Variants in KCNQ1OT1 observed in about 807,000 individuals in gnomAD.
KCNQ1OT1 encodes KCNQ1 opposite strand/antisense transcript 1.
rs1849178009 is a variant in KCNQ1OT1 at position 2,621,857 on chromosome 11, G to GT, written n.78137dup. ...GTTTTACTGACTTTTTTCCCCTATG[G>GT]TTTTTCTTTCTAACTTGTCTCTGTT... On this transcript the variant is annotated non_coding_transcript_exon_variant, in exon 1 of 1. Transcript: ENST00000597346. This position sits in a 1 kb window ranked among gnomAD's most constrained non-coding sequence, Gnocchi z 5.7. The GT allele has an allele frequency of 5.0e-6, 2 of 398,012 alleles. No homozygotes were observed. Among genetic ancestry groups the GT allele is most frequent in the Non-Finnish European group, 8.9e-6 (2 of 225,826 alleles). 24.7% of individuals were successfully genotyped at this position (398,012 alleles called of 1,614,324 possible). A position where few individuals can be genotyped will look rare whatever the true frequency, so the allele number is the denominator to read the frequency against.
chr11:2,692,186 G>A lies in KCNQ1OT1; in HGVS notation n.7809C>T, dbSNP rs1225496630. ...ATCCTTTCAGTGGCACAAGTCAGAA[G>A]TTCTGGGGTCATTTCCGATACACCC... is the stretch of plus-strand genomic sequence containing the variant. On this transcript the variant is annotated non_coding_transcript_exon_variant, in exon 1 of 1. Coordinates refer to ENST00000597346, the Ensembl canonical transcript of KCNQ1OT1. The A allele has an allele frequency of 1.5e-5, 6 of 398,642 alleles. No homozygotes were observed. The Admixed American group carries it at 2.6e-4, about 18-fold the overall frequency. The allele number at this position is 398,642 out of a possible 1,614,324, so 24.7% of individuals were successfully genotyped here.
chr11:2,692,142 T>C (rs1035927792), exon 1 of KCNQ1OT1: 8 of 398,582 alleles, frequency 2.0e-5, no homozygotes, highest in Non-Finnish European at 4.4e-6. Context: ...TGAAGGCCCC[T>C]GTCCTTTCAG....
chr11:2,647,718 T>G lies in KCNQ1OT1; in HGVS notation n.52277A>C. Reference sequence around the variant, plus strand: ...GATTTTTTTTCTTCCTGGTTCAATCTTGGGAGGTTATATATGTCCAGGAAT... The same window carrying G: ...GATTTTTTTTCTTCCTGGTTCAATCGTGGGAGGTTATATATGTCCAGGAAT... On this transcript the variant is annotated non_coding_transcript_exon_variant, in exon 1 of 1. Coordinates refer to ENST00000597346, the Ensembl canonical transcript of KCNQ1OT1. This position sits in a 1 kb window ranked among gnomAD's most constrained non-coding sequence, Gnocchi z 4.0. The G allele has an allele frequency of 2.5e-6, 1 of 398,538 alleles. No individual in the cohort carries two copies. The highest frequency in any genetic ancestry group is 3.6e-5 in the East Asian group (1 of 28,046). The allele number at this position is 398,538 out of a possible 1,614,324, so 24.7% of individuals were successfully genotyped here.
chr11:2,695,643 A>G lies in KCNQ1OT1; in HGVS notation n.4352T>C. The G allele has an allele frequency of 2.5e-6, 1 of 398,638 alleles. No individual in the cohort carries two copies. Among genetic ancestry groups the G allele is most frequent in the Non-Finnish European group, 4.4e-6 (1 of 226,078 alleles). 24.7% of individuals were successfully genotyped at this position (398,638 alleles called of 1,614,324 possible). On this transcript the variant is annotated non_coding_transcript_exon_variant, in exon 1 of 1. Coordinates refer to ENST00000597346, the Ensembl canonical transcript of KCNQ1OT1. This position sits in a 1 kb window ranked among gnomAD's most constrained non-coding sequence, Gnocchi z 5.2. ...CTTAGGAGGGAAACTGCTGGGCCAC[A>G]GGTATAAAATATTTTATTTGAGGAA...
In KCNQ1OT1 at chr11:2,613,906, T is replaced by C. The variant is rs1329730542; in HGVS notation, n.86089A>G. 1.3e-5 allele frequency: 5 copies of C among 398,488 alleles called. No individual in the cohort carries two copies. The highest frequency in any genetic ancestry group is 8.2e-5 in the African/African-American group (4 of 48,640). The allele number at this position is 398,488 out of a possible 1,614,324, so 24.7% of individuals were successfully genotyped here. On this transcript the variant is annotated non_coding_transcript_exon_variant, in exon 1 of 1. Transcript: ENST00000597346. This position sits in a 1 kb window ranked among gnomAD's most constrained non-coding sequence, Gnocchi z 4.8. ...ATTATTTTCTCATTTCCCAAAAAAG[T>C]ACTATTCTGTATATGCCCTTTTGAA...
chr11:2,666,558 G>GC, exon 1 of KCNQ1OT1: 1 of 398,646 alleles, frequency 2.5e-6, no homozygotes, highest in East Asian at 3.6e-5. Context: ...CCTGAATTCT[G>GC]CATTTGTCAG....
chr11:2,614,436 T>C, exon 1 of KCNQ1OT1: 1 of 398,536 alleles, frequency 2.5e-6, no homozygotes, highest in East Asian at 3.6e-5. Context: ...GTTTTTTGTG[T>C]CTTTTCTAAG....
Position 2,664,648 on chromosome 11 carries a change from C to T in KCNQ1OT1, n.35347G>A. ...CCATAATTAAATTCGGCTCCAGCTG[C>T]TCAGGGATGCAGCGAAGCTCCTGTG... On this transcript the variant is annotated non_coding_transcript_exon_variant, in exon 1 of 1. Coordinates refer to ENST00000597346, the Ensembl canonical transcript of KCNQ1OT1. This position sits in a 1 kb window ranked among gnomAD's most constrained non-coding sequence, Gnocchi z 5.1. The T allele has an allele frequency of 5.0e-6, 2 of 398,828 alleles. No homozygotes were observed. The highest frequency in any genetic ancestry group is 8.8e-6 in the Non-Finnish European group (2 of 226,250). 24.7% of individuals were successfully genotyped at this position (398,828 alleles called of 1,614,324 possible).
chr11:2,682,474 A>ATGAGTGAG lies in KCNQ1OT1; in HGVS notation n.17520_17521insCTCACTCA, dbSNP rs1362110765. 2.4e-5 allele frequency: 7 copies of ATGAGTGAG among 292,962 alleles called. No homozygotes were observed. The highest frequency in any genetic ancestry group is 7.3e-5 in the East Asian group (1 of 13,718). The allele number at this position is 292,962 out of a possible 1,614,324, so 18.1% of individuals were successfully genotyped here. A position where few individuals can be genotyped will look rare whatever the true frequency, so the allele number is the denominator to read the frequency against. ...GTCACGGACCCTCAGTGAATGTTTG[A>ATGAGTGAG]CGAGTGAGTGAGTGAGTGAGTGAGT... On this transcript the variant is annotated non_coding_transcript_exon_variant, in exon 1 of 1. Transcript: ENST00000597346. This position sits in a 1 kb window ranked among gnomAD's most constrained non-coding sequence, Gnocchi z 5.8.
exon 1 of KCNQ1OT1, chr11:2,655,511 C>A: frequency 2.5e-6 from 1 of 398,692 alleles, no homozygotes. Context: ...ACTGCCCTTT[C>A]AAGTACACCA....
At position 2,669,082 on chromosome 11, in the gene KCNQ1OT1, T is replaced by C. The variant is rs1850136050; in HGVS notation, n.30913A>G. 2.5e-6 allele frequency: 1 copy of C among 398,734 alleles called. No individual in the cohort carries two copies. Among genetic ancestry groups the C allele is most frequent in the Non-Finnish European group, 4.4e-6 (1 of 226,124 alleles). 24.7% of individuals were successfully genotyped at this position (398,734 alleles called of 1,614,324 possible). A position where few individuals can be genotyped will look rare whatever the true frequency, so the allele number is the denominator to read the frequency against. ...TCTCCCAACTACCCTGCCGTATCAG[T>C]GTCTTTACAATCAGCTCACTGGCTA... On this transcript the variant is annotated non_coding_transcript_exon_variant, in exon 1 of 1. Transcript: ENST00000597346. The surrounding 1 kb of genome is among the most constrained non-coding windows in gnomAD (Gnocchi z 5.6).
chr11:2,664,318 A>C lies in KCNQ1OT1; in HGVS notation n.35677T>G. 2.5e-6 allele frequency: 1 copy of C among 398,858 alleles called. No homozygotes were observed. The highest frequency in any genetic ancestry group is 4.4e-6 in the Non-Finnish European group (1 of 226,298). 24.7% of individuals were successfully genotyped at this position (398,858 alleles called of 1,614,324 possible). ...AGGCATTGTGTTCTGGTCAGGGAAG[A>C]CTCAGGGCTGAGGCTTCAGGGGAGC... On this transcript the variant is annotated non_coding_transcript_exon_variant, in exon 1 of 1. Transcript: ENST00000597346. This position sits in a 1 kb window ranked among gnomAD's most constrained non-coding sequence, Gnocchi z 5.1.
At chr11:2,685,665 G>C in exon 1 of KCNQ1OT1, 1 of 398,668 alleles carries the variant, frequency 2.5e-6, no homozygotes, top group Non-Finnish European at 4.4e-6. Flanking sequence ...GGTACCAGAA[G>C]TTCAGGGGTC....
exon 1 of KCNQ1OT1, chr11:2,644,121 A>G: frequency 2.5e-6 from 1 of 398,514 alleles, no homozygotes; most frequent in South Asian, 1.3e-4. Flanking sequence ...AGATTCCTAT[A>G]TTTGGATCTA....
chr11:2,641,900 AGTGTATGTT>A (rs1564842623), exon 1 of KCNQ1OT1: 10 of 398,436 alleles, frequency 2.5e-5, no homozygotes, highest in Non-Finnish European at 4.4e-5. Context: ...CTCTTTTCCC[AGTGTATGTT>A]CTTGGCATCT....
exon 1 of KCNQ1OT1, chr11:2,630,947 G>T (rs868630768): frequency 5.0e-6 from 2 of 398,506 alleles, no homozygotes; most frequent in Middle Eastern, 6.3e-4. Flanking sequence ...GAAATCCACT[G>T]ATAGCCTTAT....
At chr11:2,649,079 T>C (rs1176981847) in exon 1 of KCNQ1OT1, 9 of 394,806 alleles carry the variant, frequency 2.3e-5, no homozygotes, top group African/African-American at 1.9e-4. Context: ...TTTCTATCCA[T>C]TCCCTTACAG....
exon 1 of KCNQ1OT1, chr11:2,629,383 T>A (rs1332771385): frequency 2.5e-6 from 1 of 398,432 alleles, no homozygotes; most frequent in African/African-American, 2.1e-5. Flanking sequence ...TTTCATATTA[T>A]ATCCAAATGA....
In KCNQ1OT1 at chr11:2,670,406, T is replaced by C. The variant is rs1453937669; in HGVS notation, n.29589A>G. ...GCATTAACCAGACACCTACTATGTG[T>C]ATTTCTTGTGTTGGGGTTAGGAGAT... On this transcript the variant is annotated non_coding_transcript_exon_variant, in exon 1 of 1. Transcript: ENST00000597346. The surrounding 1 kb of genome is among the most constrained non-coding windows in gnomAD (Gnocchi z 4.9). The C allele has an allele frequency of 3.5e-5, 14 of 398,244 alleles. No homozygotes were observed. The highest frequency in any genetic ancestry group is 6.3e-4 in the Middle Eastern group (1 of 1,588). The allele number at this position is 398,244 out of a possible 1,614,324, so 24.7% of individuals were successfully genotyped here.
Sources: gnomAD v4.1 joint callset for allele counts on GRCh38, gnomAD v4.1.1 for gene constraint, Gnocchi (gnomAD v3.1) non-coding constraint, MANE v1.5 for transcripts, NCBI Gene and HGNC (gene_info 2026-07-23, HGNC 2026-07-21) for gene names.